The following MYO1E variants were observed in gnomAD, a reference collection of about 807,000 sequenced individuals.
MYO1E encodes the protein unconventional myosin-Ie.
Under a neutral mutation model 151.1 loss-of-function variants are expected in MYO1E, and 68 were observed. The observed-to-expected ratio is 0.45, with a 90% CI of 0.37 to 0.55. MYO1E has a LOEUF of 0.55. Ranked by LOEUF, MYO1E falls within the 20% of genes least tolerant of loss-of-function variation. The pLI is 0.00. For synonymous variants in MYO1E, 601 were observed against 501.7 expected (o/e 1.20, Z -2.64); for missense variants, 1,363 against 1,389.3 (o/e 0.98, Z 0.30).
At chr15:59,209,814 C>T (rs111560645) in intron 13 of MYO1E, among the ~76,000 whole-genome samples, 5,981 of 99,302 alleles carry the variant, frequency 0.06, 281 homozygotes, top group African/African-American at 0.098. Context: ...TTTTGAATCA[C>T]CTTTTTTTTT....
intron 10 of MYO1E, among the ~76,000 whole-genome samples, chr15:59,215,073 C>T (rs1330299153): frequency 1.3e-5 from 2 of 152,188 alleles, no homozygotes; most frequent in Non-Finnish European, 2.9e-5. Context: ...AAAGAACCCA[C>T]ACTAAAGGAT....
At chr15:59,268,916 G>C (rs1005854447) in intron 2 of MYO1E, among the ~76,000 whole-genome samples, 1 of 151,316 alleles carries the variant, frequency 6.6e-6, no homozygotes, top group East Asian at 1.9e-4. Context: ...GACTGACTAC[G>C]GACATCATTT....
At chr15:59,212,063 C>A (rs2079882440) in intron 12 of MYO1E, among the ~76,000 whole-genome samples, 2 of 152,158 alleles carry the variant, frequency 1.3e-5, no homozygotes, top group South Asian at 4.1e-4. Context: ...CCCAAAGTCT[C>A]AGCCATGCCC....
chr15:59,172,980 T>C (rs953774917), intron 21 of MYO1E, among the ~76,000 whole-genome samples: 3 of 152,154 alleles, frequency 2.0e-5, no homozygotes, highest in Admixed American at 6.5e-5. Context: ...TTTCTTGACC[T>C]CCCCGCCCCT....
chr15:59,281,510 A>G (rs1227569649), intron 1 of MYO1E, among the ~76,000 whole-genome samples: 2 of 152,008 alleles, frequency 1.3e-5, no homozygotes, highest in African/African-American at 4.8e-5. Flanking sequence ...TCCTGACCTC[A>G]GGTGATCTGC....
At chr15:59,180,538 G>A (rs577936081) in intron 18 of MYO1E, among the ~76,000 whole-genome samples, 15 of 151,312 alleles carry the variant, frequency 9.9e-5, no homozygotes, top group African/African-American at 3.2e-4. Context: ...TTAATGCTGC[G>A]TTTCTCTTTT....
chr15:59,290,502 G>A (rs2080412830), intron 1 of MYO1E, among the ~76,000 whole-genome samples: 1 of 152,212 alleles, frequency 6.6e-6, no homozygotes. Context: ...TTGGGCCTCT[G>A]CCTTGTCTCC....
chr15:59,300,417 T>A (rs970239988), intron 1 of MYO1E, among the ~76,000 whole-genome samples: 8 of 152,116 alleles, frequency 5.3e-5, no homozygotes, highest in Non-Finnish European at 8.8e-5. Context: ...TGAGTCTTTA[T>A]TGGCAAAGAT....
chr15:59,305,167 C>G (rs770757679), intron 1 of MYO1E, among the ~76,000 whole-genome samples: 64 of 152,156 alleles, frequency 4.2e-4, no homozygotes, highest in Non-Finnish European at 7.9e-4. Context: ...AGCAGAATGT[C>G]AAAGAAGATC....
Position 59,152,175 on chromosome 15 carries a change from G to A in MYO1E, c.3080+1415C>T, listed in dbSNP as rs149411146. Among the ~76,000 whole-genome samples, 16 of 152,254 alleles carry A rather than the reference G, an allele frequency of 1.1e-4. No homozygotes were observed. In the East Asian group the frequency reaches 2.7e-3, roughly 26 times the overall value. ...ACCTGGGAGGAGGCTGCAGTGAGCCGAGACTGCACCACTGCATTGCAGCCT... is the reference window on the plus strand; with the variant it reads ...ACCTGGGAGGAGGCTGCAGTGAGCCAAGACTGCACCACTGCATTGCAGCCT... On this transcript the variant is annotated intron_variant, in intron 26 of 27. Transcript: ENST00000288235.
chr15:59,178,601 G>A, intron 18 of MYO1E, 64 bp from the exon 19 acceptor site: 2 of 1,579,132 alleles, frequency 1.3e-6, no homozygotes, highest in East Asian at 2.3e-5. Context: ...TTCTACCCGG[G>A]CAAGGCAGCA....
intron 1 of MYO1E, among the ~76,000 whole-genome samples, chr15:59,355,823 T>G (rs1268990061): frequency 6.6e-6 from 1 of 152,042 alleles, no homozygotes; most frequent in Non-Finnish European, 1.5e-5. Flanking sequence ...TCAAGCAATC[T>G]TCCCACCTCA....
At chr15:59,312,718 T>C (rs2080560104) in intron 1 of MYO1E, among the ~76,000 whole-genome samples, 1 of 151,982 alleles carries the variant, frequency 6.6e-6, no homozygotes. Context: ...CCAGGAAACT[T>C]GTTAGAAATA....
intron 4 of MYO1E, among the ~76,000 whole-genome samples, chr15:59,237,900 G>A (rs1446770717): frequency 6.6e-6 from 1 of 152,204 alleles, no homozygotes; most frequent in Non-Finnish European, 1.5e-5. Context: ...GAACTTTGCT[G>A]AATTTCCTTG....
chr15:59,294,361 T>A (rs1320262941), intron 1 of MYO1E, among the ~76,000 whole-genome samples: 2 of 152,144 alleles, frequency 1.3e-5, no homozygotes. Context: ...TGTATAAAAT[T>A]TTTGATAAAT....
At chr15:59,200,886 TG>T (rs543969991) in intron 16 of MYO1E, among the ~76,000 whole-genome samples, 97 of 152,252 alleles carry the variant, frequency 6.4e-4, no homozygotes, top group African/African-American at 2.3e-3. Flanking sequence ...AGTAACACCT[TG>T]GCAAGCACAC....
At chr15:59,230,222 GTT>G (rs10609706) in intron 6 of MYO1E, among the ~76,000 whole-genome samples, 44,856 of 135,512 alleles carry the variant, frequency 0.33, 7,153 homozygotes, top group East Asian at 0.49. Context: ...GACAGTGTGT[GTT>G]TGTGTGTGTG....
chr15:59,291,550 AG>A (rs1195849083), intron 1 of MYO1E, among the ~76,000 whole-genome samples: 1 of 151,912 alleles, frequency 6.6e-6, no homozygotes, highest in Non-Finnish European at 1.5e-5. Flanking sequence ...AAGAGAACAA[AG>A]GTGGCCAGGC....
chr15:59,140,836 G>T (rs1566962393), intron 26 of MYO1E, among the ~76,000 whole-genome samples: 1 of 152,252 alleles, frequency 6.6e-6, no homozygotes, highest in South Asian at 2.1e-4. Flanking sequence ...ACCCCACGTG[G>T]GAGGGAGCAA....
Sources: gnomAD v4.1 joint callset for allele counts (sites outside exome capture counted in the v4.1 genomes callset) on GRCh38, gnomAD v4.1.1 for gene constraint, MANE v1.5 for transcripts, NCBI Gene and HGNC (gene_info 2026-07-23, HGNC 2026-07-21) for gene names.